The following CNTN3 variants were observed in gnomAD, a reference collection of about 807,000 sequenced individuals.
The protein encoded by CNTN3 is contactin 3.
In CNTN3, 60 loss-of-function variants were observed where a neutral mutation model predicts 119.1. The ratio of observed to expected loss-of-function variants is 0.50; its 90% CI spans 0.41 to 0.62. The LOEUF is 0.62. CNTN3 is among the 20% of genes least tolerant of loss of function. The pLI, the probability that CNTN3 is intolerant of heterozygous loss-of-function variation, is 0.00. For missense variants in CNTN3, 1,101 were observed against 1,242.4 expected, an observed-to-expected ratio of 0.89 and a Z score of 1.71; for synonymous variants, 450 against 438.7, an observed-to-expected ratio of 1.03 and a Z score of -0.32.
chr3:74,380,366 T>C (rs1704583538), intron 5 of CNTN3, among the ~76,000 whole-genome samples: 1 of 152,230 alleles, frequency 6.6e-6, no homozygotes, highest in Non-Finnish European at 1.5e-5. Context: ...CCAAACCCTT[T>C]TGCCAGACTG....
intron 5 of CNTN3, among the ~76,000 whole-genome samples, chr3:74,421,335 A>AT (rs1286370058): frequency 2.0e-5 from 3 of 151,512 alleles, no homozygotes; most frequent in African/African-American, 2.4e-5. Context: ...TGCTCAGCTA[A>AT]TTTTTTGTAT....
chr3:74,292,204 T>C (rs931124269), intron 19 of CNTN3, among the ~76,000 whole-genome samples: 1 of 152,166 alleles, frequency 6.6e-6, no homozygotes, highest in African/African-American at 2.4e-5. Context: ...TGGAGAGAAA[T>C]AGATACATTA....
intron 5 of CNTN3, among the ~76,000 whole-genome samples, chr3:74,401,890 T>C (rs1223385421): frequency 6.6e-6 from 1 of 152,212 alleles, no homozygotes; most frequent in Non-Finnish European, 1.5e-5. Context: ...TTTGTATCTG[T>C]AATCACTTTA....
At chr3:74,327,128 T>TTTTG (rs71129739) in intron 13 of CNTN3, among the ~76,000 whole-genome samples, 2 of 142,198 alleles carry the variant, frequency 1.4e-5, no homozygotes, top group Admixed American at 7.2e-5. Context: ...TTTTTTTTTT[T>TTTTG]TTTGTTTGTT....
At chr3:74,295,597 C>T (rs542403344) in intron 18 of CNTN3, among the ~76,000 whole-genome samples, 2 of 152,176 alleles carry the variant, frequency 1.3e-5, no homozygotes, top group East Asian at 1.9e-4. Flanking sequence ...CCCACAGACG[C>T]TACTTAGTTT....
At chr3:74,379,159 C>T (rs1413569448) in intron 5 of CNTN3, among the ~76,000 whole-genome samples, 5 of 152,020 alleles carry the variant, frequency 3.3e-5, no homozygotes, top group Non-Finnish European at 5.9e-5. Flanking sequence ...CTTATCTTCA[C>T]TTTTGTTTTT....
At chr3:74,611,675 T>C (rs1575869115) in intron 1 of CNTN3, among the ~76,000 whole-genome samples, 1 of 152,334 alleles carries the variant, frequency 6.6e-6, no homozygotes, top group South Asian at 2.1e-4. Context: ...CATTGCACTT[T>C]TTTCAAGCAT....
intron 1 of CNTN3, among the ~76,000 whole-genome samples, chr3:74,576,523 A>G (rs755095794): frequency 1.3e-5 from 2 of 152,194 alleles, no homozygotes; most frequent in African/African-American, 2.4e-5. Context: ...TCATAAATCA[A>G]TAAGACTTGA....
intron 1 of CNTN3, among the ~76,000 whole-genome samples, chr3:74,523,668 C>A (rs1300245105): frequency 6.6e-6 from 1 of 151,812 alleles, no homozygotes; most frequent in Non-Finnish European, 1.5e-5. Context: ...GAAACTCTAG[C>A]AAACAATTGT....
At chr3:74,302,856 CAAAG>C (rs761946909) in intron 13 of CNTN3, 49 bp from the exon 14 acceptor site, 2 of 1,288,206 alleles carry the variant, frequency 1.6e-6, no homozygotes, top group East Asian at 4.7e-5. Context: ...TTAAAAAACA[CAAAG>C]AAGTTTGAAG....
At chr3:74,534,496 G>A (rs1213195220) in intron 1 of CNTN3, among the ~76,000 whole-genome samples, 1 of 151,924 alleles carries the variant, frequency 6.6e-6, no homozygotes, top group Non-Finnish European at 1.5e-5. Flanking sequence ...TCCATTTTAT[G>A]TTAAGCTTCT....
At chr3:74,523,306 TAGATA>T (rs757567040) in intron 1 of CNTN3, among the ~76,000 whole-genome samples, 4 of 151,762 alleles carry the variant, frequency 2.6e-5, no homozygotes, top group Non-Finnish European at 5.9e-5. Context: ...TATAGATAGA[TAGATA>T]AGAGTGGAAA....
At chr3:74,344,674 T>C (rs550864941) in intron 11 of CNTN3, among the ~76,000 whole-genome samples, 1 of 152,192 alleles carries the variant, frequency 6.6e-6, no homozygotes, top group East Asian at 1.9e-4. Flanking sequence ...TTAGCTAGGA[T>C]GGTCGCAATT....
In CNTN3 at chr3:74,594,001, G is replaced by A. The variant is rs537573603; in HGVS notation, c.-81+20390C>T. 2.4e-3 allele frequency among the ~76,000 whole-genome samples: 367 copies of A among 152,040 alleles called. 1 individual carries two copies. The highest frequency in any genetic ancestry group is 8.6e-3 in the African/African-American group (358 of 41,544). ...AATGGAGGCCACAGAGGGGATTGAA[G>A]ATGTAGGCAGCATGGAAGAGAAGAT... On this transcript the variant is annotated intron_variant, in intron 1 of 22. Coordinates refer to ENST00000263665, the MANE Select transcript of CNTN3 (RefSeq NM_020872.3).
chr3:74,391,715 T>C (rs1159010995), intron 5 of CNTN3, among the ~76,000 whole-genome samples: 1 of 152,004 alleles, frequency 6.6e-6, no homozygotes, highest in African/African-American at 2.4e-5. Flanking sequence ...TACATTCGTG[T>C]GCCACCATCT....
At position 74,379,412 on chromosome 3, in the gene CNTN3, T is replaced by C. The variant is rs896393079; in HGVS notation, c.455-8013A>G. ...CTCAGGTGATCCACCTGCCTCATTG[T>C]CTTCATTTTTAATGCTTCTTCCAGG... On this transcript the variant is annotated intron_variant, in intron 5 of 22. Transcript: ENST00000263665. 2.0e-5 allele frequency among the ~76,000 whole-genome samples: 3 copies of C among 152,152 alleles called. No individual in the cohort carries two copies. The South Asian group carries it at 6.2e-4, about 32-fold the overall frequency.
chr3:74,461,822 A>G (rs527790924), intron 4 of CNTN3, among the ~76,000 whole-genome samples: 1 of 152,242 alleles, frequency 6.6e-6, no homozygotes, highest in East Asian at 1.9e-4. Context: ...TTATTAATGA[A>G]TATTTTCTTG....
At chr3:74,553,632 C>A (rs1704026070) in intron 1 of CNTN3, among the ~76,000 whole-genome samples, 1 of 152,194 alleles carries the variant, frequency 6.6e-6, no homozygotes, top group African/African-American at 2.4e-5. Context: ...GCCATTCTAA[C>A]TGGCGTGAGA....
At chr3:74,559,808 C>T (rs1704127055) in intron 1 of CNTN3, among the ~76,000 whole-genome samples, 1 of 152,118 alleles carries the variant, frequency 6.6e-6, no homozygotes, top group Non-Finnish European at 1.5e-5. Flanking sequence ...TAATAACATA[C>T]AAATTTTGTA....
Sources: allele counts gnomAD v4.1 joint callset (sites outside exome capture counted in the v4.1 genomes callset), GRCh38; gene constraint gnomAD v4.1.1; transcripts MANE v1.5; gene names NCBI Gene and HGNC (gene_info 2026-07-23, HGNC 2026-07-21).